SHISA7: variants seen among roughly 807,000 people sequenced by gnomAD.
SHISA7 encodes the protein shisa family member 7.
Under a neutral mutation model 23.9 loss-of-function variants are expected in SHISA7, and 6 were observed. The ratio of observed to expected loss-of-function variants is 0.25; its 90% CI spans 0.14 to 0.50. The LOEUF (loss-of-function observed/expected upper bound fraction) is 0.50. Among genes scored for constraint, SHISA7 ranks in the 20% least tolerant of loss-of-function variants. SHISA7 has a pLI of 0.98. For missense variants in SHISA7, 671 were observed against 801.1 expected (o/e 0.84, Z 1.96); for synonymous variants, 386 against 398.3 (o/e 0.97, Z 0.37).
In SHISA7 at chr19:55,442,374, A is replaced by C. The variant is rs1599875357; in HGVS notation, c.490T>G (p.Trp164Gly). 1.5e-6 allele frequency: 2 copies of C among 1,364,516 alleles called. No homozygotes were observed. Among genetic ancestry groups the C allele is most frequent in the African/African-American group, 1.6e-5 (1 of 62,054 alleles). The allele number at this position is 1,364,516 out of a possible 1,614,324, so 84.5% of individuals were successfully genotyped here. Reference protein sequence around the residue: ...GGGPGPGQAGWLEGGRTGGAG... With the variant: ...GGGPGPGQAGGLEGGRTGGAG... ...CCCCCAGTCCGGCCCCCTTCCAACC[A>C]CCCGGCCTGGCCGGGCCCTGGCCCC... The change falls in exon 1 of 4, where the codon TGG becomes GGG. Residue 164 changes from tryptophan (W) to glycine (G), a missense_variant. This residue lies in a region of SHISA7 where 59 missense variants were observed against 57.2 expected (regional missense o/e 1.03). Transcript: ENST00000376325.
chr19:55,435,254 GGTGTGTATGTGTGTGCGTGTGTGCGTGT>G (rs1985417915), intron 3 of SHISA7, among the ~76,000 whole-genome samples: 2 of 129,282 alleles, frequency 1.5e-5, no homozygotes, highest in African/African-American at 6.0e-5. Flanking sequence ...GCGTGTGTGT[GGTGTGTATGTGTGTGCGTGTGTGCGTGT>G]GTGTATATGT....
At chr19:55,439,731 C>T (rs1309217345) in intron 2 of SHISA7, among the ~76,000 whole-genome samples, 18 of 151,854 alleles carry the variant, frequency 1.2e-4, no homozygotes, top group Admixed American at 1.2e-3. Flanking sequence ...TCCTCCAGGC[C>T]TTTGCTCAAA....
rs571975968 is a variant in SHISA7, at chr19:55,437,442, T to C, written c.976+163A>G. Among the ~76,000 whole-genome samples the C allele has an allele frequency of 7.9e-5, 12 of 152,288 alleles. No homozygotes were observed. In the East Asian group the frequency reaches 2.1e-3, roughly 27 times the overall value. ...ATTAAAAAAAAATCAGAAGTGATTC[T>C]GATACAAAAGTACCACAGGTAATTC... On this transcript the variant is annotated intron_variant, in intron 3 of 3. Transcript: ENST00000376325.
intron 3 of SHISA7, among the ~76,000 whole-genome samples, chr19:55,435,084 T>G (rs1599872447): frequency 1.3e-5 from 1 of 76,692 alleles, no homozygotes; most frequent in South Asian, 5.4e-4. Context: ...GTGTGTGGTG[T>G]GTGTGGTGTG....
intron 3 of SHISA7, among the ~76,000 whole-genome samples, chr19:55,435,157 G>GC (rs1985409734): frequency 8.1e-6 from 1 of 123,768 alleles, no homozygotes; most frequent in Admixed American, 8.3e-5. Context: ...GTGTGTGTGT[G>GC]GTGTGTGTGT....
rs1985156598 is a variant in SHISA7, at chr19:55,430,482, C to G, written c.*2674G>C. On this transcript the variant is annotated 3_prime_UTR_variant, in exon 4 of 4. Transcript: ENST00000376325. The stretch of plus-strand genomic sequence containing the variant: ...GTTGCAGTGGACTCTGGGATGACAC[C>G]AGGGTTATGGTGGATCCTAGTGGGT... The G allele has an allele frequency of 6.6e-6, 1 of 152,160 alleles. No homozygotes were observed. The allele number at this position is 152,160 out of a possible 1,614,324, so 9.4% of individuals were successfully genotyped here. A position where few individuals can be genotyped will look rare whatever the true frequency, so the allele number is the denominator to read the frequency against.
rs1985127524 is a variant in SHISA7 at position 55,429,695 on chromosome 19, C to G, written c.*3461G>C. 6.6e-6 allele frequency: 1 copy of G among 152,152 alleles called. No homozygotes were observed. The highest frequency in any genetic ancestry group is 1.5e-5 in the Non-Finnish European group (1 of 68,072). 9.4% of individuals were successfully genotyped at this position (152,152 alleles called of 1,614,324 possible). On this transcript the variant is annotated 3_prime_UTR_variant, in exon 4 of 4. Coordinates refer to ENST00000376325, the MANE Select transcript of SHISA7 (RefSeq NM_001145176.2). ...CCTTTAAGAGTGGGGGAATGGCCGC[C>G]CCCGCAACATGGCTATGTACAAAGA...
intron 3 of SHISA7, among the ~76,000 whole-genome samples, chr19:55,434,461 TGTG>T (rs1985320370): frequency 8.4e-6 from 1 of 119,438 alleles, no homozygotes; most frequent in African/African-American, 3.5e-5. Flanking sequence ...TGTGTGGTTG[TGTG>T]GTGTGTGTGT....
At chr19:55,441,429 C>T (rs932418253) in intron 1 of SHISA7, among the ~76,000 whole-genome samples, 3 of 152,212 alleles carry the variant, frequency 2.0e-5, no homozygotes, top group Non-Finnish European at 4.4e-5. Flanking sequence ...TTCTCCTCAC[C>T]TCCTGCTGCC....
In SHISA7 at chr19:55,431,230, A is replaced by G. The variant is rs1985196398; in HGVS notation, c.*1926T>C. 1.3e-5 allele frequency: 2 copies of G among 152,108 alleles called. No homozygotes were observed. Among genetic ancestry groups the G allele is most frequent in the South Asian group, 4.1e-4 (2 of 4,830 alleles). The allele number at this position is 152,108 out of a possible 1,614,324, so 9.4% of individuals were successfully genotyped here. On this transcript the variant is annotated 3_prime_UTR_variant, in exon 4 of 4. Transcript: ENST00000376325. ...ATGCATCCCTGCAAATGATGATGACACTATTGGGCATCATGGGTCTTGGGA... is the reference window on the plus strand; with the variant it reads ...ATGCATCCCTGCAAATGATGATGACGCTATTGGGCATCATGGGTCTTGGGA...
chr19:55,434,464 G>GGT (rs754502355), intron 3 of SHISA7, among the ~76,000 whole-genome samples: 1 of 127,202 alleles, frequency 7.9e-6, no homozygotes, highest in African/African-American at 3.1e-5. Flanking sequence ...GTGGTTGTGT[G>GGT]GTGTGTGTGT....
Position 55,433,452 on chromosome 19 carries a change from G to A in SHISA7, c.1321C>T (p.Pro441Ser). The change falls in exon 4 of 4, where the codon CCC becomes TCC. Residue 441 changes from proline (P) to serine (S), a missense_variant. This residue lies in a region of SHISA7 where 457 missense variants were observed against 488.3 expected (regional missense o/e 0.94). Transcript: ENST00000376325. The surrounding 1 kb of genome is among the most constrained non-coding windows in gnomAD (Gnocchi z 8.4). ...PPRSPALPPD[P>S]TARASLAASH... ...GCGGCCAGGCTGGCCCGGGCGGTGG[G>A]GTCGGGGGGCAGCGCGGGGCTGCGC... is the stretch of plus-strand genomic sequence containing the variant. 7.4e-7 allele frequency: 1 copy of A among 1,355,898 alleles called. No homozygotes were observed. The highest frequency in any genetic ancestry group is 9.4e-7 in the Non-Finnish European group (1 of 1,061,840). 84.0% of individuals were successfully genotyped at this position (1,355,898 alleles called of 1,614,324 possible).
rs1308518928 is a variant in SHISA7, at chr19:55,442,802, G to A, written c.62C>T (p.Pro21Leu). 1.5e-6 allele frequency: 2 copies of A among 1,310,978 alleles called. No homozygotes were observed. The highest frequency in any genetic ancestry group is 1.5e-5 in the African/African-American group (1 of 64,844). 81.2% of individuals were successfully genotyped at this position (1,310,978 alleles called of 1,614,324 possible). A position where few individuals can be genotyped will look rare whatever the true frequency, so the allele number is the denominator to read the frequency against. ...GGGCTCGGCGCTCGTGGCGTTGGAC[G>A]GGCGCGCCCTGGCCTGGCCGGCGCT... is the stretch of plus-strand genomic sequence containing the variant. ...ASSAGQARAR[P>L]SNATSAEPAG... Residue 21 changes from proline to leucine, a missense_variant, in exon 1 of 4, where the codon CCG (proline) becomes CTG (leucine). Around this residue, in one of 5 missense-constraint regions of SHISA7, gnomAD observed 96 missense variants for 113.1 expected, o/e 0.85. Transcript: ENST00000376325.
At chr19:55,439,506 G>C (rs1209663400) in intron 2 of SHISA7, among the ~76,000 whole-genome samples, 1 of 152,152 alleles carries the variant, frequency 6.6e-6, no homozygotes, top group Non-Finnish European at 1.5e-5. Flanking sequence ...CTCCTCCGCA[G>C]CTCTCCATCA....
In SHISA7 at chr19:55,431,257, GTGA is replaced by G. The variant is rs1379717039; in HGVS notation, c.*1896_*1898del. ...TATTGGGCATCATGGGTCTTGGGAG[GTGA>G]TGACACCAAAATCATGAGGGATTAT... is the stretch of plus-strand genomic sequence containing the variant. On this transcript the variant is annotated 3_prime_UTR_variant, in exon 4 of 4. Transcript: ENST00000376325. 1 of 152,152 alleles carries G rather than the reference GTGA, an allele frequency of 6.6e-6. No individual in the cohort carries two copies. The highest frequency in any genetic ancestry group is 1.5e-5 in the Non-Finnish European group (1 of 68,020). The allele number at this position is 152,152 out of a possible 1,614,324, so 9.4% of individuals were successfully genotyped here.
intron 3 of SHISA7, among the ~76,000 whole-genome samples, chr19:55,435,351 A>ATGGTGTGTGTG (rs1199687174): frequency 1.2e-5 from 1 of 81,748 alleles, no homozygotes; most frequent in Non-Finnish European, 2.2e-5. Flanking sequence ...TATGGTGTGT[A>ATGGTGTGTGTG]TGGTGTGTGT....
In SHISA7 at chr19:55,442,317, C is replaced by T. The variant is rs1234986611; in HGVS notation, c.547G>A (p.Gly183Ser). 2 of 1,499,328 alleles carry T rather than the reference C, an allele frequency of 1.3e-6. No homozygotes were observed. Among genetic ancestry groups the T allele is most frequent in the Non-Finnish European group, 1.8e-6 (2 of 1,130,848 alleles). 92.9% of individuals were successfully genotyped at this position (1,499,328 alleles called of 1,614,324 possible). A position where few individuals can be genotyped will look rare whatever the true frequency, so the allele number is the denominator to read the frequency against. Residue 183 changes from glycine (G) to serine (S), a missense_variant, in exon 1 of 4, where the codon GGC becomes AGC. Coordinates refer to ENST00000376325, the MANE Select transcript of SHISA7 (RefSeq NM_001145176.2). Reference sequence around the variant, plus strand: ...CCGCACACGACGTAGGCTGTGCTGCCCCCGGGGCCCTCGCCCCCGCGGCCC... The same window carrying T: ...CCGCACACGACGTAGGCTGTGCTGCTCCCGGGGCCCTCGCCCCCGCGGCCC... ...AGGRGGEGPG[G>S]STAYVVCGVI... is the part of the protein sequence containing the mutation.
In SHISA7 at chr19:55,430,508, G is replaced by A. The variant is rs929037422; in HGVS notation, c.*2648C>T. 2 of 152,186 alleles carry A rather than the reference G, an allele frequency of 1.3e-5. No homozygotes were observed. The highest frequency in any genetic ancestry group is 4.8e-5 in the African/African-American group (2 of 41,392). The allele number at this position is 152,186 out of a possible 1,614,324, so 9.4% of individuals were successfully genotyped here. A position where few individuals can be genotyped will look rare whatever the true frequency, so the allele number is the denominator to read the frequency against. ...AGGGTTATGGTGGATCCTAGTGGGT[G>A]GTGACAGCACTGGACCTCATGGATC... On this transcript the variant is annotated 3_prime_UTR_variant, in exon 4 of 4. Coordinates refer to ENST00000376325, the MANE Select transcript of SHISA7 (RefSeq NM_001145176.2).
chr19:55,440,532 C>A (rs1387461399), intron 2 of SHISA7, 79 bp downstream of exon 2: 3 of 1,218,186 alleles, frequency 2.5e-6, no homozygotes, highest in Non-Finnish European at 3.1e-6. Context: ...GGGGGTGGAG[C>A]CGCCATGGAG....
Sources: gnomAD v4.1 joint callset for allele counts (sites outside exome capture counted in the v4.1 genomes callset) on GRCh38, gnomAD v4.1.1 for gene constraint, gnomAD v4.1.1 regional missense constraint, Gnocchi (gnomAD v3.1) non-coding constraint, MANE v1.5 for transcripts, NCBI Gene and HGNC (gene_info 2026-07-23, HGNC 2026-07-21) for gene names.